SLIT2: variants seen among roughly 807,000 people sequenced by gnomAD.
SLIT2 encodes slit guidance ligand 2, also known as slit homolog 2 protein.
SLIT2 carries 41 observed loss-of-function variants against 185.7 expected under a neutral mutation model. That is an observed-to-expected ratio of 0.22 (90% confidence interval 0.17 to 0.29). The LOEUF is 0.29. Ranked by LOEUF, SLIT2 falls within the 10% of genes least tolerant of loss-of-function variation. SLIT2 has a pLI of 1.00. For synonymous variants in SLIT2, 693 were observed against 680.2 expected (o/e 1.02, Z -0.29); for missense variants, 1,571 against 1,909.0 (o/e 0.82, Z 3.30).
At chr4:20,471,546 A>G in intron 5 of SLIT2, among the ~76,000 whole-genome samples, 1 of 152,148 alleles carries the variant, frequency 6.6e-6, no homozygotes, top group East Asian at 1.9e-4. Flanking sequence ...CAGAGAGTAA[A>G]AGAGAAAAAA....
intron 4 of SLIT2, among the ~76,000 whole-genome samples, chr4:20,439,305 A>G (rs1272566338): frequency 6.6e-6 from 1 of 152,194 alleles, no homozygotes; most frequent in Non-Finnish European, 1.5e-5. Context: ...AAACAAAAGA[A>G]ATTTATTGTC....
At chr4:20,441,383 AC>A in intron 4 of SLIT2, among the ~76,000 whole-genome samples, 1 of 152,236 alleles carries the variant, frequency 6.6e-6, no homozygotes, top group South Asian at 2.1e-4. Context: ...ACACAGTTTC[AC>A]TATAGCCAAC....
At chr4:20,551,582 C>G (rs1723759457) in intron 25 of SLIT2, among the ~76,000 whole-genome samples, 1 of 152,040 alleles carries the variant, frequency 6.6e-6, no homozygotes, top group African/African-American at 2.4e-5. Flanking sequence ...CATGGCAAAC[C>G]TAGAAGGAAG....
At chr4:20,269,631 A>G (rs943777468) in intron 4 of SLIT2, among the ~76,000 whole-genome samples, 5 of 151,978 alleles carry the variant, frequency 3.3e-5, no homozygotes, top group African/African-American at 9.7e-5. Flanking sequence ...AAGTTTTGGA[A>G]AAATAAATAG....
At chr4:20,499,296 G>T (rs1286409194) in intron 9 of SLIT2, among the ~76,000 whole-genome samples, 7 of 152,124 alleles carry the variant, frequency 4.6e-5, no homozygotes, top group African/African-American at 1.7e-4. Flanking sequence ...TTTGTTGTAG[G>T]TATATGTTGC....
At chr4:20,509,958 G>T (rs1719555297) in intron 9 of SLIT2, among the ~76,000 whole-genome samples, 1 of 152,080 alleles carries the variant, frequency 6.6e-6, no homozygotes, top group African/African-American at 2.4e-5. Context: ...AGCATATATG[G>T]ATTTATAATT....
Position 20,524,525 on chromosome 4 carries a change from C to G in SLIT2, c.1438+348C>G, listed in dbSNP as rs549297868. Among the ~76,000 whole-genome samples the G allele has an allele frequency of 2.0e-5, 3 of 152,266 alleles. No homozygotes were observed. In the East Asian group the frequency reaches 5.8e-4, roughly 29 times the overall value. On this transcript the variant is annotated intron_variant, in intron 14 of 36. Coordinates refer to ENST00000504154, the MANE Select transcript of SLIT2 (RefSeq NM_004787.4). ...GTCTCATGTTTGTTGAATTGACCAG[C>G]CTCAAGTAATTAACTGTGTTTTCAT...
chr4:20,265,989 C>T (rs1231894877), intron 3 of SLIT2, among the ~76,000 whole-genome samples: 1 of 151,834 alleles, frequency 6.6e-6, no homozygotes, highest in African/African-American at 2.4e-5. Flanking sequence ...CACTTCTCTC[C>T]AGAACAGCAG....
At chr4:20,375,448 A>T (rs146363567) in intron 4 of SLIT2, among the ~76,000 whole-genome samples, 3 of 152,090 alleles carry the variant, frequency 2.0e-5, no homozygotes, top group Non-Finnish European at 2.9e-5. Context: ...AAAATAGTTT[A>T]TACTTAAAAA....
At chr4:20,485,439 T>G (rs912707678) in intron 6 of SLIT2, among the ~76,000 whole-genome samples, 1 of 152,152 alleles carries the variant, frequency 6.6e-6, no homozygotes, top group Non-Finnish European at 1.5e-5. Context: ...CTAACAAAGT[T>G]GCACTGGGGG....
At chr4:20,605,521 T>C (rs758477883) in intron 33 of SLIT2, among the ~76,000 whole-genome samples, 13 of 152,052 alleles carry the variant, frequency 8.5e-5, no homozygotes, top group Non-Finnish European at 1.8e-4. Flanking sequence ...AATCATAAAA[T>C]ATATTGTTCC....
chr4:20,605,548 G>A (rs964093767), intron 33 of SLIT2, among the ~76,000 whole-genome samples: 2 of 152,116 alleles, frequency 1.3e-5, no homozygotes, highest in African/African-American at 2.4e-5. Flanking sequence ...AGTGGTGAAA[G>A]AGAGTTTATC....
chr4:20,580,822 C>G (rs1479394731), intron 29 of SLIT2, among the ~76,000 whole-genome samples: 3 of 152,116 alleles, frequency 2.0e-5, no homozygotes, highest in Non-Finnish European at 4.4e-5. Context: ...TGTCATGGAG[C>G]ACTCCTTCTC....
rs74589303 is a variant in SLIT2, at chr4:20,271,677, A to G, written c.395+2796A>G. Among the ~76,000 whole-genome samples the G allele has an allele frequency of 1.8e-3, 266 of 151,872 alleles. 4 individuals carry two copies. Among genetic ancestry groups the G allele is most frequent in the East Asian group, 9.7e-3 (50 of 5,160 alleles). ...GTATACTTTATTCATACTTAACACT[A>G]TGTTTTCCCAGGTATATCACTAATA... On this transcript the variant is annotated intron_variant, in intron 4 of 36. Coordinates refer to ENST00000504154, the MANE Select transcript of SLIT2 (RefSeq NM_004787.4).
chr4:20,554,385 G>A (rs1297875391), intron 26 of SLIT2: 2 of 457,562 alleles, frequency 4.4e-6, no homozygotes, highest in South Asian at 3.1e-5. Context: ...CAAACCTTCT[G>A]ACTCGCCTTA....
chr4:20,322,949 T>C (rs989731667), intron 4 of SLIT2, among the ~76,000 whole-genome samples: 2 of 152,188 alleles, frequency 1.3e-5, no homozygotes, highest in African/African-American at 4.8e-5. Context: ...ATTAGTTGAG[T>C]ACCATTTTAA....
At chr4:20,535,996 C>T (rs1722242564) in intron 18 of SLIT2, among the ~76,000 whole-genome samples, 1 of 152,180 alleles carries the variant, frequency 6.6e-6, no homozygotes, top group African/African-American at 2.4e-5. Flanking sequence ...TGCTCCTGGG[C>T]TACAAACCTG....
chr4:20,373,019 A>G (rs527932796), intron 4 of SLIT2, among the ~76,000 whole-genome samples: 2 of 152,250 alleles, frequency 1.3e-5, no homozygotes, highest in African/African-American at 2.4e-5. Flanking sequence ...TTTAGAAATC[A>G]TAGGAGTTAG....
At chr4:20,272,616 C>T (rs1215301266) in intron 4 of SLIT2, among the ~76,000 whole-genome samples, 2 of 152,084 alleles carry the variant, frequency 1.3e-5, no homozygotes, top group Admixed American at 6.6e-5. Flanking sequence ...TGCGGTTAGG[C>T]ATTTGGTTAT....
Sources: gnomAD v4.1 joint callset for allele counts (sites outside exome capture counted in the v4.1 genomes callset) on GRCh38, gnomAD v4.1.1 for gene constraint, MANE v1.5 for transcripts, NCBI Gene and HGNC (gene_info 2026-07-23, HGNC 2026-07-21) for gene names.